Variants in HDAC4 observed in about 807,000 individuals in gnomAD.
The protein encoded by HDAC4 is histone deacetylase 4, also known as histone deacetylase A.
In HDAC4, 16 loss-of-function variants were observed where a neutral mutation model predicts 135.1. The ratio of observed to expected loss-of-function variants is 0.12; its 90% CI spans 0.08 to 0.18. HDAC4 has a LOEUF of 0.18. Among genes scored for constraint, HDAC4 ranks in the 10% least tolerant of loss-of-function variants. The pLI, the probability that HDAC4 is intolerant of heterozygous loss-of-function variation, is 1.00. For synonymous variants in HDAC4, 685 were observed against 653.4 expected (o/e 1.05, Z -0.74); for missense variants, 1,143 against 1,511.8 (o/e 0.76, Z 4.05).
chr2:239,365,205 T>C (rs1694111425), intron 1 of HDAC4, among the ~76,000 whole-genome samples: 1 of 152,214 alleles, frequency 6.6e-6, no homozygotes, highest in Non-Finnish European at 1.5e-5. Context: ...GGTCTGGCTA[T>C]TGTGTTTTAT....
chr2:239,193,344 A>G (rs2045134124), intron 3 of HDAC4, among the ~76,000 whole-genome samples: 1 of 152,090 alleles, frequency 6.6e-6, no homozygotes, highest in South Asian at 2.1e-4. Context: ...CTTTTAAGGG[A>G]TTTTTTTTAT....
chr2:239,213,288 G>A (rs913251880), intron 3 of HDAC4, among the ~76,000 whole-genome samples: 5 of 152,224 alleles, frequency 3.3e-5, no homozygotes, highest in African/African-American at 4.8e-5. Context: ...GAGGAATGCT[G>A]AAGGGTGAGC....
chr2:239,162,009 C>CCG, intron 6 of HDAC4: 1 of 416,574 alleles, frequency 2.4e-6, no homozygotes. Context: ...CCTCGGCCCC[C>CCG]CGTCCACTGT....
At chr2:239,284,813 C>T (rs1332328402) in intron 2 of HDAC4, among the ~76,000 whole-genome samples, 1 of 152,198 alleles carries the variant, frequency 6.6e-6, no homozygotes, top group Non-Finnish European at 1.5e-5. Flanking sequence ...AGCCCTCCCA[C>T]AGGAAGCTGA....
intron 2 of HDAC4, among the ~76,000 whole-genome samples, chr2:239,330,849 G>A (rs1575704031): frequency 6.6e-6 from 1 of 152,118 alleles, no homozygotes; most frequent in Admixed American, 6.5e-5. Flanking sequence ...TATACTAAAC[G>A]TGGTATTTGT....
intron 2 of HDAC4, among the ~76,000 whole-genome samples, chr2:239,317,741 G>A (rs1339687547): frequency 6.6e-6 from 1 of 152,184 alleles, no homozygotes; most frequent in African/African-American, 2.4e-5. Flanking sequence ...ATTTCACGTT[G>A]TCCACAGGTT....
At position 239,115,112 on chromosome 2, in the gene HDAC4, G is replaced by A. The variant is rs2039014935; in HGVS notation, c.1732C>T (p.Pro578Ser). Residue 578 changes from proline to serine, a missense_variant, in exon 13 of 27, where the codon CCA becomes TCA. Pro to Ser is a moderately conservative substitution (Grantham distance 74). Around this residue, in one of 9 missense-constraint regions of HDAC4, gnomAD observed 196 missense variants for 210.7 expected, o/e 0.93. Transcript: ENST00000543185. This position sits in a 1 kb window ranked among gnomAD's most constrained non-coding sequence, Gnocchi z 6.3. ...IESDEEEAEP[P>S]REVEPGQRQP... is the part of the protein sequence containing the mutation. ...CGCTGGCCCGGCTCCACCTCCCGTGGGGGCTCTGCCTCTTCCTCATCGCTC... is the reference window on the plus strand; with the variant it reads ...CGCTGGCCCGGCTCCACCTCCCGTGAGGGCTCTGCCTCTTCCTCATCGCTC... 6.2e-7 allele frequency: 1 copy of A among 1,611,698 alleles called. No individual in the cohort carries two copies. Among genetic ancestry groups the A allele is most frequent in the African/African-American group, 1.3e-5 (1 of 74,926 alleles).
At chr2:239,183,178 A>G (rs2044262585) in intron 4 of HDAC4, among the ~76,000 whole-genome samples, 1 of 152,258 alleles carries the variant, frequency 6.6e-6, no homozygotes, top group Admixed American at 6.5e-5. Flanking sequence ...CTCTAACCAG[A>G]CTTTAAGTTT....
intron 4 of HDAC4, among the ~76,000 whole-genome samples, chr2:239,185,866 A>G (rs2044518737): frequency 6.6e-6 from 1 of 152,078 alleles, no homozygotes; most frequent in Non-Finnish European, 1.5e-5. Context: ...ACCCATCTCT[A>G]CCAAAAATAC....
chr2:239,256,390 G>T (rs1321310504), intron 2 of HDAC4, among the ~76,000 whole-genome samples: 1 of 152,192 alleles, frequency 6.6e-6, no homozygotes, highest in Non-Finnish European at 1.5e-5. Flanking sequence ...GAATTCTGTC[G>T]CAGGGGAAAG....
intron 5 of HDAC4, among the ~76,000 whole-genome samples, chr2:239,169,511 G>A (rs575760969): frequency 4.6e-5 from 7 of 152,360 alleles, no homozygotes; most frequent in Non-Finnish European, 7.4e-5. Context: ...CCAGCAGGCC[G>A]TGGAGCCCCT....
At chr2:239,106,164 A>AGGCAGAGGAGCCGAGGGCG (rs2038111018) in intron 15 of HDAC4, among the ~76,000 whole-genome samples, 3 of 152,212 alleles carry the variant, frequency 2.0e-5, no homozygotes, top group Admixed American at 6.5e-5. Context: ...TGCTGAGGAC[A>AGGCAGAGGAGCCGAGGGCG]GGCAGAGGAG....
At chr2:239,072,581 G>A (rs1259595946) in intron 22 of HDAC4, among the ~76,000 whole-genome samples, 1 of 152,202 alleles carries the variant, frequency 6.6e-6, no homozygotes, top group Non-Finnish European at 1.5e-5. Context: ...TGGATTTTCA[G>A]AGGCCCCTCC....
intron 12 of HDAC4, among the ~76,000 whole-genome samples, chr2:239,121,146 G>A (rs889860309): frequency 7.2e-5 from 11 of 152,020 alleles, no homozygotes; most frequent in South Asian, 2.1e-4. Flanking sequence ...TTGTAGAGAC[G>A]GGATTTCACC....
At chr2:239,081,596 G>C (rs1306744434) in intron 21 of HDAC4, among the ~76,000 whole-genome samples, 17 of 152,324 alleles carry the variant, frequency 1.1e-4, no homozygotes, top group African/African-American at 4.8e-5. Context: ...ATAATATCCA[G>C]AGGCAGACGG....
chr2:239,073,397 G>A (rs576047629), intron 22 of HDAC4, among the ~76,000 whole-genome samples: 2 of 152,350 alleles, frequency 1.3e-5, no homozygotes, highest in African/African-American at 4.8e-5. Context: ...TCAGATAGGA[G>A]GCACCTGACC....
At chr2:239,212,545 G>A (rs2046400153) in intron 3 of HDAC4, among the ~76,000 whole-genome samples, 1 of 152,236 alleles carries the variant, frequency 6.6e-6, no homozygotes, top group South Asian at 2.1e-4. Flanking sequence ...CCCAGGGAAG[G>A]CTGAGCTATA....
At chr2:239,227,692 G>GGGTGC (rs1575463955) in intron 3 of HDAC4, among the ~76,000 whole-genome samples, 1 of 152,294 alleles carries the variant, frequency 6.6e-6, no homozygotes, top group East Asian at 1.9e-4. Context: ...GGCATGCCTC[G>GGGTGC]GGTGCGGAGG....
chr2:239,142,942 A>T (rs2041497106), intron 8 of HDAC4, among the ~76,000 whole-genome samples: 1 of 147,772 alleles, frequency 6.8e-6, no homozygotes, highest in African/African-American at 2.5e-5. Flanking sequence ...TGAGCTCAGC[A>T]CTGATCACGC....
Sources: allele counts gnomAD v4.1 joint callset (sites outside exome capture counted in the v4.1 genomes callset), GRCh38; gene constraint gnomAD v4.1.1; regional missense constraint gnomAD v4.1.1; non-coding constraint Gnocchi (gnomAD v3.1); transcripts MANE v1.5; gene names NCBI Gene and HGNC (gene_info 2026-07-23, HGNC 2026-07-21).